The following KLHL34 variants were observed in gnomAD, a reference collection of about 807,000 sequenced individuals.
The protein encoded by KLHL34 is kelch-like protein 34.
Under a neutral mutation model 23.8 loss-of-function variants are expected in KLHL34, and 24 were observed. The observed-to-expected ratio is 1.01, with a 90% CI of 0.73 to 1.42. The LOEUF is 1.42. KLHL34 is among the 40% of genes most tolerant of loss of function. The pLI, the probability that KLHL34 is intolerant of heterozygous loss-of-function variation, is 0.00. For synonymous variants in KLHL34, 303 were observed against 287.9 expected (o/e 1.05, Z -0.53); for missense variants, 652 against 595.1 (o/e 1.10, Z -0.99).
chrX:21,658,088 T>G lies in KLHL34; in HGVS notation c.-300A>C. 8.6e-6 allele frequency: 2 copies of G among 231,415 alleles called. No homozygotes were observed. Among genetic ancestry groups the G allele is most frequent in the East Asian group, 8.1e-5 (1 of 12,385 alleles). 19.1% of individuals were successfully genotyped at this position (231,415 alleles called of 1,213,427 possible). On this transcript the variant is annotated 5_prime_UTR_variant, in exon 1 of 1. Transcript: ENST00000379499. Reference sequence around the variant, plus strand: ...GCTTGGTTTCCACGACTGCCGAGGCTTCCAGCGCGTTGCCCGAAGTCCCCT... The same window carrying G: ...GCTTGGTTTCCACGACTGCCGAGGCGTCCAGCGCGTTGCCCGAAGTCCCCT...
rs751919521 is a variant in KLHL34 at position 21,656,298 on chromosome X, G to T, written c.1491C>A (p.Tyr497Ter). Residue 497 changes from tyrosine (Y) to a stop codon, truncating the protein, a stop_gained, in exon 1 of 1, where the codon TAC becomes TAA. Transcript: ENST00000379499. LOFTEE classifies it high-confidence loss of function. The stretch of plus-strand genomic sequence containing the variant: ...AAACCTGCTCCTCAGGGCCCAGGAC[G>T]TATAAGTCCCGGAGGCTGCTCGCTC... ...EGGASSLRDL[Y>*]VLGPEEQVWS... 1 of 1,199,594 alleles carries T rather than the reference G, an allele frequency of 8.3e-7. No homozygotes were observed. Among genetic ancestry groups the T allele is most frequent in the Admixed American group, 2.2e-5 (1 of 44,902 alleles).
Position 21,657,714 on chromosome X carries a change from C to T in KLHL34, c.75G>A (p.Glu25=), listed in dbSNP as rs2092735528. The change falls in exon 1 of 1, where the codon GAG becomes GAA. Residue 25 remains glutamate (E), a synonymous_variant. Coordinates refer to ENST00000379499, the MANE Select transcript of KLHL34 (RefSeq NM_153270.3). Reference sequence around the variant, plus strand: ...CCAGTGTCACGTCGCACAGGAAGCCCTCGGCGCGCAGGGCCTGGTAGCCGG... The same window carrying T: ...CCAGTGTCACGTCGCACAGGAAGCCTTCGGCGCGCAGGGCCTGGTAGCCGG... ...LLTGYQALRA[E]GFLCDVTLET... is the part of the protein sequence containing the mutation. 8.3e-7 allele frequency: 1 copy of T among 1,204,489 alleles called. No homozygotes were observed. The highest frequency in any genetic ancestry group is 1.1e-6 in the Non-Finnish European group (1 of 894,099).
chrX:21,656,033 G>A lies in KLHL34; in HGVS notation c.1756C>T (p.Gln586Ter). ...CCCACTACGTTGCGGGTAGGCACCT[G>A]GCGCGAGTCCCGCCACTTGAGGCCG... ...LGGLKWRDSR[Q>*]VPTRNVVGYD... Residue 586 changes from glutamine (Q) to a stop codon, truncating the protein, a stop_gained, in exon 1 of 1, where the codon CAG becomes TAG. Transcript: ENST00000379499. LOFTEE classifies it high-confidence loss of function. 1 of 1,200,774 alleles carries A rather than the reference G, an allele frequency of 8.3e-7. No individual in the cohort carries two copies. The highest frequency in any genetic ancestry group is 1.1e-6 in the Non-Finnish European group (1 of 889,117).
At position 21,655,672 on chromosome X, in the gene KLHL34, G is replaced by T; in HGVS notation, c.*182C>A. ...CTTCTATTTGACCCCCCGCCCCGCTGTCTCCCATTCTCAGCTCAAGGAGAA... is the reference window on the plus strand; with the variant it reads ...CTTCTATTTGACCCCCCGCCCCGCTTTCTCCCATTCTCAGCTCAAGGAGAA... On this transcript the variant is annotated 3_prime_UTR_variant, in exon 1 of 1. Coordinates refer to ENST00000379499, the MANE Select transcript of KLHL34 (RefSeq NM_153270.3). 1.2e-6 allele frequency: 1 copy of T among 813,128 alleles called. No individual in the cohort carries two copies. Among genetic ancestry groups the T allele is most frequent in the Non-Finnish European group, 1.6e-6 (1 of 617,452 alleles). The allele number at this position is 813,128 out of a possible 1,213,427, so 67.0% of individuals were successfully genotyped here.
At position 21,656,538 on chromosome X, in the gene KLHL34, G is replaced by C. The variant is rs773419372; in HGVS notation, c.1251C>G (p.His417Gln). 10 of 1,196,887 alleles carry C rather than the reference G, an allele frequency of 8.4e-6. No homozygotes were observed. The highest frequency in any genetic ancestry group is 5.3e-5 in the African/African-American group (3 of 57,098). The part of the protein sequence containing the change: ...EVPAMREARA[H>Q]FWCGAVGERL... Reference sequence around the variant, plus strand: ...TCTCGCCCACCGCGCCGCACCAGAAGTGGGCCCGCGCTTCCCGCATGGCGG... The same window carrying C: ...TCTCGCCCACCGCGCCGCACCAGAACTGGGCCCGCGCTTCCCGCATGGCGG... The change falls in exon 1 of 1, where the codon CAC (histidine) becomes CAG (glutamine). Residue 417 changes from histidine to glutamine, a missense_variant. Coordinates refer to ENST00000379499, the MANE Select transcript of KLHL34 (RefSeq NM_153270.3).
Position 21,654,966 on chromosome X carries a change from CA to C in KLHL34, c.*887del, listed in dbSNP as rs1217070203. ...TTCTTTTGGGGGAAGTGGGGGTAAC[CA>C]CCAAAAATTGATTTTTTTTTACAAA... On this transcript the variant is annotated 3_prime_UTR_variant, in exon 1 of 1. Coordinates refer to ENST00000379499, the MANE Select transcript of KLHL34 (RefSeq NM_153270.3). 9.0e-6 allele frequency: 1 copy of C among 111,589 alleles called. No individual in the cohort carries two copies. Among genetic ancestry groups the C allele is most frequent in the Non-Finnish European group, 1.9e-5 (1 of 53,082 alleles). The allele number at this position is 111,589 out of a possible 1,213,427, so 9.2% of individuals were successfully genotyped here. A position where few individuals can be genotyped will look rare whatever the true frequency, so the allele number is the denominator to read the frequency against.
rs865930398 is a variant in KLHL34, at chrX:21,657,374, C to T, written c.415G>A (p.Ala139Thr). 9.4e-6 allele frequency: 11 copies of T among 1,165,747 alleles called. No individual in the cohort carries two copies. The African/African-American group carries it at 1.9e-4, about 21-fold the overall frequency. ...AGCGTGTGAGCCAGGCCAAAGCGCGCTGCCACGTTGGCGGCGAAGCAGCAG... is the reference window on the plus strand; with the variant it reads ...AGCGTGTGAGCCAGGCCAAAGCGCGTTGCCACGTTGGCGGCGAAGCAGCAG... ...ENCCFAANVA[A>T]RFGLAHTLDA... The change falls in exon 1 of 1, where the codon GCG becomes ACG. Residue 139 changes from alanine (A) to threonine (T), a missense_variant. Transcript: ENST00000379499.
chrX:21,655,558 T>C lies in KLHL34; in HGVS notation c.*296A>G. 5.0e-6 allele frequency: 1 copy of C among 201,376 alleles called. No homozygotes were observed. The highest frequency in any genetic ancestry group is 8.8e-6 in the Non-Finnish European group (1 of 113,052). 16.6% of individuals were successfully genotyped at this position (201,376 alleles called of 1,213,427 possible). ...AACTGTAAGAGGGAAAATAAGGTCA[T>C]ATTTTATTTGTGAAAGTCCTTCTCT... On this transcript the variant is annotated 3_prime_UTR_variant, in exon 1 of 1. Coordinates refer to ENST00000379499, the MANE Select transcript of KLHL34 (RefSeq NM_153270.3).
At position 21,656,873 on chromosome X, in the gene KLHL34, T is replaced by C. The variant is rs765947712; in HGVS notation, c.916A>G (p.Arg306Gly). The C allele has an allele frequency of 1.2e-5, 14 of 1,179,112 alleles. No individual in the cohort carries two copies. Among genetic ancestry groups the C allele is most frequent in the Non-Finnish European group, 1.6e-5 (14 of 879,491 alleles). Residue 306 changes from arginine to glycine, a missense_variant, in exon 1 of 1, where the codon AGG (arginine) becomes GGG (glycine). By Grantham distance (125) the Arg-to-Gly change is moderately radical (BLOSUM62 -2). Coordinates refer to ENST00000379499, the MANE Select transcript of KLHL34 (RefSeq NM_153270.3). Reference protein sequence around the residue: ...EEVAAPQRAARGQVAAPEPEE... With the variant: ...EEVAAPQRAAGGQVAAPEPEE... ...GGCTCTGGGGCGGCGACCTGGCCCC[T>C]AGCTGCCCTCTGCGGGGCCGCGACC... is the stretch of plus-strand genomic sequence containing the variant.
Position 21,656,171 on chromosome X carries a change from C to CA in KLHL34, c.1617dup (p.Glu540Ter). On this transcript the variant is annotated frameshift_variant, in exon 1 of 1. Coordinates refer to ENST00000379499, the MANE Select transcript of KLHL34 (RefSeq NM_153270.3). LOFTEE classifies it high-confidence loss of function. ...GCGCCGGGGTCGTAGCGCTCGATCTCAGAGAAGGGCTCGTATCGCCCCAGA... is the reference window on the plus strand; with the variant it reads ...GCGCCGGGGTCGTAGCGCTCGATCTCAAGAGAAGGGCTCGTATCGCCCCAGA... The CA allele has an allele frequency of 8.5e-7, 1 of 1,176,139 alleles. No individual in the cohort carries two copies. Among genetic ancestry groups the CA allele is most frequent in the Non-Finnish European group, 1.1e-6 (1 of 876,952 alleles).
chrX:21,656,637 C>T lies in KLHL34; in HGVS notation c.1152G>A (p.Leu384=), dbSNP rs2092733368. The T allele has an allele frequency of 8.3e-7, 1 of 1,211,174 alleles. No homozygotes were observed. Among genetic ancestry groups the T allele is most frequent in the African/African-American group, 1.7e-5 (1 of 58,029 alleles). ...CCGTGACCACCCGCGAGTCGTCGGC[C>T]AGGGGAGAGGATGCACTGCCGGAAG... is the stretch of plus-strand genomic sequence containing the variant. ...ESPSGSASSP[L]ADDSRVVTAQ... The change falls in exon 1 of 1, where the codon CTG becomes CTA. Residue 384 remains leucine, a synonymous_variant. Coordinates refer to ENST00000379499, the MANE Select transcript of KLHL34 (RefSeq NM_153270.3).
rs760168837 is a variant in KLHL34 at position 21,655,820 on chromosome X, T to C, written c.*34A>G. 84 of 1,136,222 alleles carry C rather than the reference T, an allele frequency of 7.4e-5. No individual in the cohort carries two copies. The highest frequency in any genetic ancestry group is 9.5e-5 in the Non-Finnish European group (82 of 858,849). The allele number at this position is 1,136,222 out of a possible 1,213,427, so 93.6% of individuals were successfully genotyped here. On this transcript the variant is annotated 3_prime_UTR_variant, in exon 1 of 1. Transcript: ENST00000379499. ...GTAAGACTAACCAAGCGCGACTTTC[T>C]CCTCCATTGCGGAAGGAAACCGGAC...
Position 21,655,905 on chromosome X carries a change from G to T in KLHL34, c.1884C>A (p.Asp628Glu). Reference sequence around the variant, plus strand: ...CTCCAACCTCTCCCTCCCTCTCGTCGTCCCCACCCTCGGCCAGCTGCAGCA... The same window carrying T: ...CTCCAACCTCTCCCTCCCTCTCGTCTTCCCCACCCTCGGCCAGCTGCAGCA... ...CAVLQLAEGG[D>E]DEREGEVGEA... Residue 628 changes from aspartate to glutamate, a missense_variant, in exon 1 of 1, where the codon GAC becomes GAA. Transcript: ENST00000379499. The T allele has an allele frequency of 8.3e-7, 1 of 1,205,780 alleles. No homozygotes were observed. The highest frequency in any genetic ancestry group is 1.1e-6 in the Non-Finnish European group (1 of 892,257).
At position 21,655,730 on chromosome X, in the gene KLHL34, G is replaced by GT; in HGVS notation, c.*123dup. ...TCTTTGCTCAAGGCCTTGTTTGCCTGTTAACCTTCAGAAGCCACTCTGCTC... is the reference window on the plus strand; with the variant it reads ...TCTTTGCTCAAGGCCTTGTTTGCCTGTTTAACCTTCAGAAGCCACTCTGCTC... On this transcript the variant is annotated 3_prime_UTR_variant, in exon 1 of 1. Coordinates refer to ENST00000379499, the MANE Select transcript of KLHL34 (RefSeq NM_153270.3). The GT allele has an allele frequency of 9.6e-7, 1 of 1,045,296 alleles. No homozygotes were observed. Among genetic ancestry groups the GT allele is most frequent in the South Asian group, 3.0e-5 (1 of 32,954 alleles). 86.1% of individuals were successfully genotyped at this position (1,045,296 alleles called of 1,213,427 possible). A position where few individuals can be genotyped will look rare whatever the true frequency, so the allele number is the denominator to read the frequency against.
chrX:21,657,509 G>A lies in KLHL34; in HGVS notation c.280C>T (p.Leu94Phe). ...GTGTCCTCTACAGTGTCCATGGAAAGCGACAGCCAGGCAGTGTAGATGAAG... is the reference window on the plus strand; with the variant it reads ...GTGTCCTCTACAGTGTCCATGGAAAACGACAGCCAGGCAGTGTAGATGAAG... The part of the protein sequence containing the change: ...LDFIYTAWLS[L>F]SMDTVEDTLE... Residue 94 changes from leucine to phenylalanine, a missense_variant, in exon 1 of 1, where the codon CTT becomes TTT. Coordinates refer to ENST00000379499, the MANE Select transcript of KLHL34 (RefSeq NM_153270.3). 2 of 1,211,659 alleles carry A rather than the reference G, an allele frequency of 1.7e-6. No homozygotes were observed. Among genetic ancestry groups the A allele is most frequent in the Non-Finnish European group, 2.2e-6 (2 of 895,510 alleles).
chrX:21,654,855 C>G lies in KLHL34; in HGVS notation c.*999G>C, dbSNP rs1283389389. ...TGTTCAGTATATACAAGTGTCTTAT[C>G]TAAGACCCTGAAAAATCAAGCTCGT... On this transcript the variant is annotated 3_prime_UTR_variant, in exon 1 of 1. Transcript: ENST00000379499. 1.8e-5 allele frequency: 2 copies of G among 111,498 alleles called. No homozygotes were observed. Among genetic ancestry groups the G allele is most frequent in the Non-Finnish European group, 3.8e-5 (2 of 53,134 alleles). 9.2% of individuals were successfully genotyped at this position (111,498 alleles called of 1,213,427 possible).
In KLHL34 at chrX:21,654,953, A is replaced by C. The variant is rs2092729480; in HGVS notation, c.*901T>G. On this transcript the variant is annotated 3_prime_UTR_variant, in exon 1 of 1. Coordinates refer to ENST00000379499, the MANE Select transcript of KLHL34 (RefSeq NM_153270.3). ...CCTTTCTCTGTGATTCTTTTGGGGG[A>C]AGTGGGGGTAACCACCAAAAATTGA... is the stretch of plus-strand genomic sequence containing the variant. 1 of 111,693 alleles carries C rather than the reference A, an allele frequency of 9.0e-6. No homozygotes were observed. Among genetic ancestry groups the C allele is most frequent in the Admixed American group, 9.5e-5 (1 of 10,531 alleles). 9.2% of individuals were successfully genotyped at this position (111,693 alleles called of 1,213,427 possible).
chrX:21,655,664 G>T lies in KLHL34; in HGVS notation c.*190C>A. On this transcript the variant is annotated 3_prime_UTR_variant, in exon 1 of 1. Coordinates refer to ENST00000379499, the MANE Select transcript of KLHL34 (RefSeq NM_153270.3). ...CATATAGCCTTCTATTTGACCCCCC[G>T]CCCCGCTGTCTCCCATTCTCAGCTC... 1 of 747,602 alleles carries T rather than the reference G, an allele frequency of 1.3e-6. No individual in the cohort carries two copies. Among genetic ancestry groups the T allele is most frequent in the African/African-American group, 2.2e-5 (1 of 45,932 alleles). The allele number at this position is 747,602 out of a possible 1,213,427, so 61.6% of individuals were successfully genotyped here.
Position 21,657,603 on chromosome X carries a change from G to A in KLHL34, c.186C>T (p.Thr62=). ...GGATCACGCGCGCCCGGGATTCCTG[G>A]GTGTGGCTCTTGAACAGGGCCCTGA... is the stretch of plus-strand genomic sequence containing the variant. ...DYFRALFKSH[T]QESRARVIHL... is the part of the protein sequence containing the mutation. The change falls in exon 1 of 1, where the codon ACC becomes ACT. Residue 62 remains threonine, a synonymous_variant. Coordinates refer to ENST00000379499, the MANE Select transcript of KLHL34 (RefSeq NM_153270.3). 8.3e-7 allele frequency: 1 copy of A among 1,210,417 alleles called. No individual in the cohort carries two copies. The highest frequency in any genetic ancestry group is 1.7e-5 in the African/African-American group (1 of 57,994).
Sources: gnomAD v4.1 joint callset for allele counts on GRCh38, gnomAD v4.1.1 for gene constraint, MANE v1.5 for transcripts, NCBI Gene and HGNC (gene_info 2026-07-23, HGNC 2026-07-21) for gene names.